Variants in NIPBL observed in about 807,000 individuals in gnomAD.
NIPBL encodes NIPBL cohesin loading factor.
A neutral mutation model predicts 321.8 loss-of-function variants in NIPBL; 19 were observed. The observed-to-expected ratio is 0.06, with a 90% confidence interval of 0.04 to 0.09. The LOEUF is 0.09. Ranked by LOEUF, NIPBL falls within the 10% of genes least tolerant of loss-of-function variation. NIPBL has a pLI of 1.00. For synonymous variants in NIPBL, 1,106 were observed against 1,114.1 expected (o/e 0.99, Z 0.14); for missense variants, 2,210 against 3,327.0 (o/e 0.66, Z 8.26).
intron 14 of NIPBL, among the ~76,000 whole-genome samples, chr5:37,002,294 C>T (rs1439876831): frequency 6.6e-6 from 1 of 152,128 alleles, no homozygotes; most frequent in Non-Finnish European, 1.5e-5. Context: ...CCTTACACTC[C>T]TCTTTGATCT....
intron 32 of NIPBL, among the ~76,000 whole-genome samples, chr5:37,031,705 A>G (rs1462097687): frequency 1.3e-5 from 2 of 152,236 alleles, no homozygotes; most frequent in Non-Finnish European, 2.9e-5. Flanking sequence ...TTTTATCTCT[A>G]TCAACCAGTG....
chr5:36,970,506 A>T (rs897723027), intron 6 of NIPBL, among the ~76,000 whole-genome samples: 9 of 151,294 alleles, frequency 5.9e-5, no homozygotes, highest in Non-Finnish European at 1.2e-4. Flanking sequence ...ATAAAATTAT[A>T]ATGTAAAAAC....
intron 46 of NIPBL, 22 bp downstream of exon 46, chr5:37,064,000 C>T (rs1052870725): frequency 1.1e-5 from 17 of 1,612,480 alleles, no homozygotes; most frequent in East Asian, 2.2e-5. Context: ...GAGGAGTCAA[C>T]GTATTTCGCA....
chr5:37,055,338 G>A (rs796278444), intron 42 of NIPBL, among the ~76,000 whole-genome samples: 4 of 141,400 alleles, frequency 2.8e-5, no homozygotes, highest in African/African-American at 1.1e-4. Flanking sequence ...GCGACAGAGC[G>A]AGACTCCATC....
At chr5:37,029,357 T>C (rs1479727136) in intron 32 of NIPBL, among the ~76,000 whole-genome samples, 1 of 152,212 alleles carries the variant, frequency 6.6e-6, no homozygotes. Flanking sequence ...GTGTTTGACT[T>C]TTTAAACTTA....
intron 1 of NIPBL, among the ~76,000 whole-genome samples, chr5:36,884,415 A>G (rs528458477): frequency 6.6e-6 from 1 of 152,296 alleles, no homozygotes; most frequent in African/African-American, 2.4e-5. Context: ...TTCTATAGAC[A>G]TATATTACTT....
At chr5:36,952,059 CGCGCGCGCGCGCGCATGTGTGTGTGT>C (rs1740410696) in intron 1 of NIPBL, among the ~76,000 whole-genome samples, 2 of 74,526 alleles carry the variant, frequency 2.7e-5, no homozygotes, top group South Asian at 9.1e-4. Context: ...TGTGTGCGCG[CGCGCGCGCGCGCGCATGTGTGTGTGT>C]AGCAGTTTAA....
At position 37,022,264 on chromosome 5, in the gene NIPBL, T is replaced by G. The variant is rs1274948761; in HGVS notation, c.5448T>G (p.Val1816=). The G allele has an allele frequency of 1.2e-6, 2 of 1,614,154 alleles. No homozygotes were observed. The highest frequency in any genetic ancestry group is 1.7e-6 in the Non-Finnish European group (2 of 1,180,018). ...TTTAGCTTGATATGCAACGAGGTGTTCATGGACGATTGATGGATAATTCGA... is the reference window on the plus strand; with the variant it reads ...TTTAGCTTGATATGCAACGAGGTGTGCATGGACGATTGATGGATAATTCGA... ...ILARLDMQRG[V]HGRLMDNSTS... is the part of the protein sequence containing the mutation. Residue 1816 remains valine, a synonymous_variant, in exon 29 of 47, where the codon GTT becomes GTG. Coordinates refer to ENST00000282516, the MANE Select transcript of NIPBL (RefSeq NM_133433.4).
chr5:37,056,433 G>C (rs970317774), intron 42 of NIPBL, among the ~76,000 whole-genome samples: 7 of 151,984 alleles, frequency 4.6e-5, no homozygotes, highest in African/African-American at 1.7e-4. Context: ...ATGCCTTTCT[G>C]TTTATGATCA....
chr5:36,897,924 AAAGG>A (rs1328157153), intron 1 of NIPBL, among the ~76,000 whole-genome samples: 3 of 151,916 alleles, frequency 2.0e-5, no homozygotes, highest in Non-Finnish European at 4.4e-5. Flanking sequence ...GGAAGAAACA[AAAGG>A]AAGTAAGATT....
At position 37,000,709 on chromosome 5, in the gene NIPBL, G is replaced by A. The variant is rs1402220534; in HGVS notation, c.3503-108G>A. 26 of 1,271,530 alleles carry A rather than the reference G, an allele frequency of 2.0e-5. No individual in the cohort carries two copies. The South Asian group carries it at 2.8e-4, about 14-fold the overall frequency. The allele number at this position is 1,271,530 out of a possible 1,614,324, so 78.8% of individuals were successfully genotyped here. On this transcript the variant is annotated intron_variant, in intron 12 of 46. Coordinates refer to ENST00000282516, the MANE Select transcript of NIPBL (RefSeq NM_133433.4). ...CAAAAATACTTAGTTTCTATGTGCA[G>A]TGATTATCGTTTAAGTCTTTAACGT...
chr5:37,024,284 C>T (rs1437510520), intron 29 of NIPBL, among the ~76,000 whole-genome samples: 1 of 152,158 alleles, frequency 6.6e-6, no homozygotes, highest in Admixed American at 6.5e-5. Flanking sequence ...GTGCCAGACA[C>T]TATTCTAAAG....
chr5:36,900,691 G>T (rs527510574), intron 1 of NIPBL, among the ~76,000 whole-genome samples: 1 of 151,652 alleles, frequency 6.6e-6, no homozygotes, highest in South Asian at 2.1e-4. Flanking sequence ...GTTTTGTTTT[G>T]TTTTTTTAAT....
intron 24 of NIPBL, among the ~76,000 whole-genome samples, chr5:37,018,438 T>C (rs766227879): frequency 3.9e-5 from 6 of 152,192 alleles, no homozygotes; most frequent in Non-Finnish European, 7.4e-5. Flanking sequence ...CATTTTGATA[T>C]ATTCCCATCA....
chr5:36,941,602 C>G (rs1349678047), intron 1 of NIPBL, among the ~76,000 whole-genome samples: 3 of 150,938 alleles, frequency 2.0e-5, no homozygotes, highest in Non-Finnish European at 4.4e-5. Context: ...TGTTTGGAAT[C>G]ATTATCTGAG....
At chr5:37,005,050 C>T (rs1366848015) in intron 16 of NIPBL, among the ~76,000 whole-genome samples, 12 of 152,146 alleles carry the variant, frequency 7.9e-5, no homozygotes. Flanking sequence ...AATTCGTAAA[C>T]TTTCTTGAAA....
Position 37,008,646 on chromosome 5 carries a change from T to C in NIPBL, c.4344T>C (p.His1448=), listed in dbSNP as rs760594320. The change falls in exon 20 of 47, where the codon CAT becomes CAC. Residue 1448 remains histidine, a synonymous_variant. Transcript: ENST00000282516. The part of the protein sequence containing the change: ...VTAVFSRYEK[H]RQLILEEIFT... ...AGGTATTCTCAAGATATGAAAAACATAGGCAGTTAATTTTGGAAGAAATTT... is the reference window on the plus strand; with the variant it reads ...AGGTATTCTCAAGATATGAAAAACACAGGCAGTTAATTTTGGAAGAAATTT... 1.3e-5 allele frequency: 21 copies of C among 1,576,398 alleles called. 1 individual carries two copies. In the South Asian group the frequency reaches 2.1e-4, roughly 16 times the overall value.
At chr5:36,991,111 G>A (rs1365611563) in intron 10 of NIPBL, among the ~76,000 whole-genome samples, 2 of 151,848 alleles carry the variant, frequency 1.3e-5, no homozygotes, top group Non-Finnish European at 2.9e-5. Flanking sequence ...GGATCTCTCT[G>A]TCTTGCCTAT....
rs1245272660 is a variant in NIPBL, at chr5:37,027,354, C to T, written c.5809-5C>T. 3.7e-6 allele frequency: 6 copies of T among 1,607,616 alleles called. No individual in the cohort carries two copies. Among genetic ancestry groups the T allele is most frequent in the African/African-American group, 1.3e-5 (1 of 74,732 alleles). ...TCTAACTTTGATTCTTTTCATCACC[C>T]TTAGGTTGCAGCATGCAGAGATACT... On this transcript the variant is annotated splice_polypyrimidine_tract_variant and splice_region_variant and intron_variant, in intron 31 of 46. Coordinates refer to ENST00000282516, the MANE Select transcript of NIPBL (RefSeq NM_133433.4).
Sources: allele counts gnomAD v4.1 joint callset (sites outside exome capture counted in the v4.1 genomes callset), GRCh38; gene constraint gnomAD v4.1.1; transcripts MANE v1.5; gene names NCBI Gene and HGNC (gene_info 2026-07-23, HGNC 2026-07-21).